Variants in FRAS1 observed in about 807,000 individuals in gnomAD.
FRAS1 encodes the protein extracellular matrix organizing protein FRAS1.
FRAS1 carries 290 observed loss-of-function variants against 435.2 expected under a neutral mutation model. That is an observed-to-expected ratio of 0.67 (90% CI 0.61 to 0.73). The LOEUF is 0.73. FRAS1 is among the 30% of genes least tolerant of loss of function. The probability of loss-of-function intolerance (pLI) is 0.00; values close to 1 mark genes in which losing one functional copy is unlikely to be tolerated. For missense variants in FRAS1, 4,860 were observed against 5,001.5 expected, an observed-to-expected ratio of 0.97 and a Z score of 0.85; for synonymous variants, 1,800 against 1,851.0, an observed-to-expected ratio of 0.97 and a Z score of 0.71.
At chr4:78,077,656 A>G (rs1740708713) in intron 2 of FRAS1, among the ~76,000 whole-genome samples, 1 of 152,074 alleles carries the variant, frequency 6.6e-6, no homozygotes, top group Admixed American at 6.6e-5. Flanking sequence ...ATGTGTACAC[A>G]TTATTTAGCT....
intron 67 of FRAS1, among the ~76,000 whole-genome samples, chr4:78,519,954 A>G (rs1271852139): frequency 6.6e-6 from 1 of 152,200 alleles, no homozygotes; most frequent in Non-Finnish European, 1.5e-5. Flanking sequence ...CTTTAATTGC[A>G]TCCTCCAAAG....
chr4:78,307,155 G>T (rs982660284), intron 14 of FRAS1, among the ~76,000 whole-genome samples: 10 of 152,194 alleles, frequency 6.6e-5, no homozygotes, highest in African/African-American at 2.4e-4. Flanking sequence ...CTGCTGGGGG[G>T]TGCCTCCTAG....
intron 2 of FRAS1, among the ~76,000 whole-genome samples, chr4:78,126,692 A>T (rs929981940): frequency 2.0e-5 from 3 of 152,136 alleles, no homozygotes; most frequent in Admixed American, 6.5e-5. Flanking sequence ...TTTTATTTTT[A>T]ATCCAGCATA....
Position 78,057,548 on chromosome 4 carries a change from C to A in FRAS1, c.-462C>A. The A allele has an allele frequency of 6.4e-6, 1 of 157,286 alleles. No individual in the cohort carries two copies. The highest frequency in any genetic ancestry group is 1.4e-5 in the Non-Finnish European group (1 of 71,532). The allele number at this position is 157,286 out of a possible 1,614,324, so 9.7% of individuals were successfully genotyped here. ...CCGGCGACCCGCGGTGCCGACGCAA[C>A]GCCGACGTATGGTGCCAAGCGAACT... On this transcript the variant is annotated 5_prime_UTR_variant, in exon 1 of 74. Transcript: ENST00000512123. This position sits in a 1 kb window ranked among gnomAD's most constrained non-coding sequence, Gnocchi z 4.2.
chr4:78,501,135 G>C (rs1720670288), intron 61 of FRAS1, among the ~76,000 whole-genome samples: 1 of 152,026 alleles, frequency 6.6e-6, no homozygotes, highest in Admixed American at 6.6e-5. Context: ...TCCTCCAACA[G>C]GCCCCATTGT....
At chr4:78,174,775 G>A (rs1721695401) in intron 2 of FRAS1, among the ~76,000 whole-genome samples, 1 of 152,224 alleles carries the variant, frequency 6.6e-6, no homozygotes, top group Non-Finnish European at 1.5e-5. Flanking sequence ...TAGGTCAGAA[G>A]TCTTAGGCAA....
intron 71 of FRAS1, 21 bp downstream of exon 71, chr4:78,534,636 G>A: frequency 1.2e-6 from 2 of 1,607,812 alleles, no homozygotes; most frequent in East Asian, 2.2e-5. Flanking sequence ...TCCTCCACCT[G>A]CAGAAAGAGG....
intron 2 of FRAS1, among the ~76,000 whole-genome samples, chr4:78,193,676 A>G (rs1307114667): frequency 3.3e-5 from 5 of 152,110 alleles, no homozygotes; most frequent in Admixed American, 1.3e-4. Context: ...CCTGCACGTG[A>G]GATGGGTTAC....
At chr4:78,430,545 G>A in intron 37 of FRAS1, 128 bp downstream of exon 37, 1 of 970,518 alleles carries the variant, frequency 1.0e-6, no homozygotes, top group Admixed American at 3.2e-5. Flanking sequence ...GCTATTTTGT[G>A]TGTAGTTTCA....
At chr4:78,481,225 C>G (rs1360790790) in intron 56 of FRAS1, among the ~76,000 whole-genome samples, 3 of 152,218 alleles carry the variant, frequency 2.0e-5, no homozygotes, top group Admixed American at 6.5e-5. Context: ...CATGATGTCA[C>G]AGTGGACAGG....
At chr4:78,365,277 T>A (rs1337800667) in intron 22 of FRAS1, among the ~76,000 whole-genome samples, 1 of 152,214 alleles carries the variant, frequency 6.6e-6, no homozygotes, top group African/African-American at 2.4e-5. Context: ...ACAAACTTTT[T>A]TGGGCTAGTG....
chr4:78,301,162 C>G (rs1339997826), intron 14 of FRAS1, among the ~76,000 whole-genome samples: 1 of 152,214 alleles, frequency 6.6e-6, no homozygotes. Flanking sequence ...TTGCAAGCAG[C>G]AAGGCATTCA....
At chr4:78,222,613 G>A (rs1724102745) in intron 2 of FRAS1, among the ~76,000 whole-genome samples, 1 of 152,206 alleles carries the variant, frequency 6.6e-6, no homozygotes, top group Non-Finnish European at 1.5e-5. Flanking sequence ...AAAACAAACA[G>A]TAGGTGGGAT....
At chr4:78,325,041 T>C (rs1446995351) in intron 18 of FRAS1, among the ~76,000 whole-genome samples, 3 of 152,206 alleles carry the variant, frequency 2.0e-5, no homozygotes, top group African/African-American at 4.8e-5. Context: ...TAATTTATTA[T>C]CTCAGAAGAA....
intron 70 of FRAS1, among the ~76,000 whole-genome samples, chr4:78,531,135 CTGTT>C (rs765256531): frequency 5.9e-5 from 9 of 152,156 alleles, no homozygotes; most frequent in South Asian, 2.1e-4. Flanking sequence ...ATTTGGCTCT[CTGTT>C]TGTCTGTTAC....
intron 2 of FRAS1, among the ~76,000 whole-genome samples, chr4:78,214,972 T>C (rs1305698179): frequency 6.6e-6 from 1 of 152,034 alleles, no homozygotes; most frequent in African/African-American, 2.4e-5. Flanking sequence ...CAAAGGTGTC[T>C]TTCCCCCGAT....
chr4:78,532,841 A>T (rs1578378027), intron 70 of FRAS1, among the ~76,000 whole-genome samples: 1 of 120,342 alleles, frequency 8.3e-6, no homozygotes, highest in African/African-American at 2.8e-5. Context: ...TGACTATTTA[A>T]TTGTGTGTAT....
chr4:78,425,261 T>A (rs1733953164), intron 35 of FRAS1, among the ~76,000 whole-genome samples: 1 of 152,148 alleles, frequency 6.6e-6, no homozygotes, highest in African/African-American at 2.4e-5. Context: ...GGGAAAAGGC[T>A]TACTACCCAG....
At chr4:78,332,199 T>A (rs940799619) in intron 18 of FRAS1, among the ~76,000 whole-genome samples, 2 of 151,772 alleles carry the variant, frequency 1.3e-5, no homozygotes, top group African/African-American at 4.8e-5. Flanking sequence ...GTGGTGGGAG[T>A]GTGAGTTCTG....
Sources: gnomAD v4.1 joint callset for allele counts (sites outside exome capture counted in the v4.1 genomes callset) on GRCh38, gnomAD v4.1.1 for gene constraint, Gnocchi (gnomAD v3.1) non-coding constraint, MANE v1.5 for transcripts, NCBI Gene and HGNC (gene_info 2026-07-23, HGNC 2026-07-21) for gene names.